Variants in C1orf21 observed in about 807,000 individuals in gnomAD.
C1orf21 encodes uncharacterized protein C1orf21.
In C1orf21, 3 loss-of-function variants were observed where a neutral mutation model predicts 18.7. The observed-to-expected ratio is 0.16, with a 90% CI of 0.07 to 0.42. C1orf21 has a LOEUF of 0.42. Ranked by LOEUF, C1orf21 falls within the 10% of genes least tolerant of loss-of-function variation. C1orf21 has a pLI of 0.99. For missense variants in C1orf21, 104 were observed against 143.6 expected (o/e 0.72, Z 1.41); for synonymous variants, 41 against 46.4 (o/e 0.88, Z 0.47).
intron 1 of C1orf21, among the ~76,000 whole-genome samples, chr1:184,459,266 T>C (rs1657266504): frequency 6.6e-6 from 1 of 152,212 alleles, no homozygotes; most frequent in South Asian, 2.1e-4. Context: ...ATAAGCTGTA[T>C]TTTTCCAGTG....
At chr1:184,468,011 TGA>T (rs57517174) in intron 1 of C1orf21, among the ~76,000 whole-genome samples, 27 of 137,614 alleles carry the variant, frequency 2.0e-4, no homozygotes, top group South Asian at 4.8e-4. Context: ...TGTGTGTGTG[TGA>T]GAGAGAGAGA....
chr1:184,520,404 C>G (rs1571396837), intron 3 of C1orf21, among the ~76,000 whole-genome samples: 1 of 152,150 alleles, frequency 6.6e-6, no homozygotes, highest in Admixed American at 6.6e-5. Flanking sequence ...GGCTTGGTCT[C>G]AGAAATGAAG....
At chr1:184,603,668 G>A (rs546387333) in intron 5 of C1orf21, among the ~76,000 whole-genome samples, 3 of 152,248 alleles carry the variant, frequency 2.0e-5, no homozygotes, top group Admixed American at 6.5e-5. Context: ...GATAGTGCAC[G>A]CCTATAATCC....
Position 184,619,481 on chromosome 1 carries a change from T to C in C1orf21, c.328-37T>C, listed in dbSNP as rs753366970. 4.4e-6 allele frequency: 7 copies of C among 1,605,888 alleles called. No individual in the cohort carries two copies. The African/African-American group carries it at 6.7e-5, about 15-fold the overall frequency. ...ACTATTTCAGGCTCTGCTTTGAATT[T>C]CTCATTCACATGCTCTTTTTTCTTT... On this transcript the variant is annotated intron_variant, in intron 5 of 5. Transcript: ENST00000235307.
chr1:184,552,708 G>A (rs1275994851), intron 3 of C1orf21, among the ~76,000 whole-genome samples: 1 of 152,018 alleles, frequency 6.6e-6, no homozygotes, highest in African/African-American at 2.4e-5. Flanking sequence ...CACCAAAAAA[G>A]CATTTGCTCA....
Position 184,457,233 on chromosome 1 carries a change from A to G in C1orf21, c.-124-20153A>G, listed in dbSNP as rs569036864. Among the ~76,000 whole-genome samples, 9 of 152,352 alleles carry G rather than the reference A, an allele frequency of 5.9e-5. 1 individual carries two copies. The South Asian group carries it at 1.9e-3, about 32-fold the overall frequency. On this transcript the variant is annotated intron_variant, in intron 1 of 5. Coordinates refer to ENST00000235307, the MANE Select transcript of C1orf21 (RefSeq NM_030806.4). ...AGAAGTGACTAGAATTGCATCCGTT[A>G]TCTTGAAAAGTAAATTGGTATATTC...
chr1:184,587,302 A>T (rs1659368165), intron 3 of C1orf21, among the ~76,000 whole-genome samples: 1 of 148,812 alleles, frequency 6.7e-6, no homozygotes, highest in African/African-American at 2.5e-5. Flanking sequence ...TGAATTTTAA[A>T]ATAGTTTTAT....
At chr1:184,548,477 C>A (rs183466936) in intron 3 of C1orf21, among the ~76,000 whole-genome samples, 1 of 144,110 alleles carries the variant, frequency 6.9e-6, no homozygotes, top group Non-Finnish European at 1.5e-5. Flanking sequence ...TGCAGCGGCG[C>A]GATCTCCACT....
chr1:184,618,342 G>C (rs1316691334), intron 5 of C1orf21, among the ~76,000 whole-genome samples: 1 of 152,084 alleles, frequency 6.6e-6, no homozygotes, highest in African/African-American at 2.4e-5. Context: ...CTGTGAAATA[G>C]GTACTATTGT....
intron 1 of C1orf21, among the ~76,000 whole-genome samples, chr1:184,408,912 A>G (rs1045027659): frequency 1.3e-5 from 2 of 152,144 alleles, no homozygotes; most frequent in African/African-American, 2.4e-5. Flanking sequence ...AATTCTCACA[A>G]TGCTTCCCCC....
chr1:184,521,057 C>A (rs938427195), intron 3 of C1orf21, among the ~76,000 whole-genome samples: 1 of 152,126 alleles, frequency 6.6e-6, no homozygotes, highest in Admixed American at 6.5e-5. Flanking sequence ...CTATGTGTGG[C>A]TAATTTTGTA....
rs116113386 is a variant in C1orf21, at chr1:184,593,034, G to A, written c.266+2219G>A. ...TCCACTTTATCTGCCTTTGGGGACA[G>A]CAGATATCTGATAACACAGCCAAAC... On this transcript the variant is annotated intron_variant, in intron 4 of 5. Coordinates refer to ENST00000235307, the MANE Select transcript of C1orf21 (RefSeq NM_030806.4). 7.1e-3 allele frequency among the ~76,000 whole-genome samples: 1,075 copies of A among 152,300 alleles called. 17 individuals are homozygous for A. The highest frequency in any genetic ancestry group is 0.025 in the African/African-American group (1,027 of 41,566).
chr1:184,571,689 A>C (rs1228499915), intron 3 of C1orf21, among the ~76,000 whole-genome samples: 1 of 152,172 alleles, frequency 6.6e-6, no homozygotes, highest in Non-Finnish European at 1.5e-5. Context: ...CCTGTCATTA[A>C]AATTGTGTGT....
At chr1:184,598,505 A>G (rs1414617748) in intron 5 of C1orf21, 44 bp downstream of exon 5, 2 of 1,541,836 alleles carry the variant, frequency 1.3e-6, no homozygotes, top group Admixed American at 3.5e-5. Context: ...AGGGAAGTAT[A>G]GTAATGGCTT....
intron 5 of C1orf21, among the ~76,000 whole-genome samples, chr1:184,607,396 T>A (rs1365209865): frequency 6.6e-6 from 1 of 152,170 alleles, no homozygotes; most frequent in African/African-American, 2.4e-5. Flanking sequence ...TTTGTAGGCA[T>A]AATATATAAA....
chr1:184,472,195 A>C (rs1172042253), intron 1 of C1orf21, among the ~76,000 whole-genome samples: 1 of 152,056 alleles, frequency 6.6e-6, no homozygotes, highest in Non-Finnish European at 1.5e-5. Context: ...TCTTCAATAA[A>C]AGAGAGGAGT....
chr1:184,541,548 T>C (rs542161296), intron 3 of C1orf21, among the ~76,000 whole-genome samples: 1 of 152,344 alleles, frequency 6.6e-6, no homozygotes, highest in South Asian at 2.1e-4. Context: ...ATATATCTTG[T>C]GCTCAGACCC....
chr1:184,604,435 G>A (rs1659623682), intron 5 of C1orf21, among the ~76,000 whole-genome samples: 1 of 152,206 alleles, frequency 6.6e-6, no homozygotes, highest in Non-Finnish European at 1.5e-5. Flanking sequence ...TTAGCAGTGG[G>A]CAGGGCTGCC....
At chr1:184,425,700 T>G (rs547396548) in intron 1 of C1orf21, among the ~76,000 whole-genome samples, 1 of 152,266 alleles carries the variant, frequency 6.6e-6, no homozygotes, top group South Asian at 2.1e-4. Context: ...CTGTCACCCC[T>G]CAAAATGTTA....
Sources: gnomAD v4.1 joint callset for allele counts (sites outside exome capture counted in the v4.1 genomes callset) on GRCh38, gnomAD v4.1.1 for gene constraint, MANE v1.5 for transcripts, NCBI Gene and HGNC (gene_info 2026-07-23, HGNC 2026-07-21) for gene names.